Variants in CCDC85C observed in about 807,000 individuals in gnomAD.
The protein encoded by CCDC85C is coiled-coil domain containing 85C.
In CCDC85C, 18 loss-of-function variants were observed where a neutral mutation model predicts 38.3. That is an observed-to-expected ratio of 0.47 (90% CI 0.33 to 0.70). The LOEUF is 0.70. CCDC85C is among the 30% of genes least tolerant of loss of function. The probability of loss-of-function intolerance (pLI) is 0.03; values close to 1 mark genes in which losing one functional copy is unlikely to be tolerated. For missense variants in CCDC85C, 566 were observed against 621.2 expected, an observed-to-expected ratio of 0.91 and a Z score of 0.94; for synonymous variants, 264 against 293.8, an observed-to-expected ratio of 0.90 and a Z score of 1.04.
rs747937393 is a variant in CCDC85C at position 99,603,583 on chromosome 14, T to C, written c.377A>G (p.Lys126Arg). The change falls in exon 1 of 6, where the codon AAG becomes AGG. Residue 126 changes from lysine (K) to arginine (R), a missense_variant. This residue lies in a region of CCDC85C where 269 missense variants were observed against 308.2 expected (regional missense o/e 0.87). Coordinates refer to ENST00000380243, the MANE Select transcript of CCDC85C (RefSeq NM_001144995.2). The surrounding 1 kb of genome is among the most constrained non-coding windows in gnomAD (Gnocchi z 7.5). ...CTGGCGCGCCTCGAGCTCGCGCAGC[T>C]TCTGCTGCGAGCGGGCCACCTCGTG... ...VWHEVARSQQ[K>R]LRELEARQEA... is the part of the protein sequence containing the mutation. 7.0e-7 allele frequency: 1 copy of C among 1,421,694 alleles called. No homozygotes were observed. Among genetic ancestry groups the C allele is most frequent in the South Asian group, 1.4e-5 (1 of 69,108 alleles). The allele number at this position is 1,421,694 out of a possible 1,614,324, so 88.1% of individuals were successfully genotyped here.
intron 1 of CCDC85C, among the ~76,000 whole-genome samples, chr14:99,591,856 T>A (rs776493501): frequency 4.7e-5 from 7 of 150,190 alleles, no homozygotes; most frequent in Non-Finnish European, 1.0e-4. Flanking sequence ...TGCCTCAGCC[T>A]CCCGAGTAAC....
At position 99,503,082 on chromosome 14, in the gene CCDC85C, G is replaced by A. The variant is rs1223827519; in HGVS notation, c.*12164C>T. Reference sequence around the variant, plus strand: ...TTTCTAAGCGAGCACAGGGAACACCGGAAGCAGGGGGTGTTCGCCGAAACT... The same window carrying A: ...TTTCTAAGCGAGCACAGGGAACACCAGAAGCAGGGGGTGTTCGCCGAAACT... On this transcript the variant is annotated 3_prime_UTR_variant, in exon 6 of 6. Coordinates refer to ENST00000380243, the MANE Select transcript of CCDC85C (RefSeq NM_001144995.2). The A allele has an allele frequency of 6.8e-6, 9 of 1,332,372 alleles. No homozygotes were observed. The highest frequency in any genetic ancestry group is 2.9e-5 in the African/African-American group (2 of 69,414). 82.5% of individuals were successfully genotyped at this position (1,332,372 alleles called of 1,614,324 possible). A position where few individuals can be genotyped will look rare whatever the true frequency, so the allele number is the denominator to read the frequency against.
At chr14:99,601,271 T>C (rs765353370) in intron 1 of CCDC85C, among the ~76,000 whole-genome samples, 14 of 152,242 alleles carry the variant, frequency 9.2e-5, no homozygotes, top group Non-Finnish European at 1.6e-4. Flanking sequence ...CTAAGTGGGC[T>C]TGGGGGAGGA....
chr14:99,526,564 C>T (rs189648381), intron 2 of CCDC85C, among the ~76,000 whole-genome samples: 331 of 152,166 alleles, frequency 2.2e-3, no homozygotes, highest in African/African-American at 7.3e-3. Context: ...GTGACCACCC[C>T]GTCCCCAAGA....
intron 1 of CCDC85C, among the ~76,000 whole-genome samples, chr14:99,596,682 A>G (rs1406026185): frequency 6.6e-6 from 1 of 152,210 alleles, no homozygotes; most frequent in African/African-American, 2.4e-5. Context: ...TTATGATCAA[A>G]GAAGCATCAA....
intron 1 of CCDC85C, among the ~76,000 whole-genome samples, chr14:99,570,150 T>C (rs1053358224): frequency 6.6e-6 from 1 of 151,920 alleles, no homozygotes; most frequent in Non-Finnish European, 1.5e-5. Flanking sequence ...CTGTTCTGAG[T>C]GCCTCACATA....
chr14:99,509,171 A>T lies in CCDC85C; in HGVS notation c.*6075T>A, dbSNP rs1163240632. On this transcript the variant is annotated 3_prime_UTR_variant, in exon 6 of 6. Coordinates refer to ENST00000380243, the MANE Select transcript of CCDC85C (RefSeq NM_001144995.2). ...CCTTGCCTAACCCAAGTGCCTGGGG[A>T]ACCAGAAGCATCTTCGTGGCTTTGT... 6.6e-6 allele frequency: 1 copy of T among 152,202 alleles called. No individual in the cohort carries two copies. The highest frequency in any genetic ancestry group is 1.5e-5 in the Non-Finnish European group (1 of 68,042). The allele number at this position is 152,202 out of a possible 1,614,324, so 9.4% of individuals were successfully genotyped here.
At chr14:99,580,062 G>T (rs916056227) in intron 1 of CCDC85C, 5 of 455,562 alleles carry the variant, frequency 1.1e-5, no homozygotes, top group Non-Finnish European at 2.2e-5. Context: ...CCTTCCTCTT[G>T]GTCTCACATT....
rs1897083587 is a variant in CCDC85C at position 99,510,135 on chromosome 14, C to G, written c.*5111G>C. The G allele has an allele frequency of 6.3e-7, 1 of 1,584,304 alleles. No individual in the cohort carries two copies. The highest frequency in any genetic ancestry group is 8.5e-7 in the Non-Finnish European group (1 of 1,169,944). ...AACCATTGCTGGCGGAGGCCGGGCA[C>G]TGATGCGTCTCTCTCCTGCAGACCG... On this transcript the variant is annotated 3_prime_UTR_variant, in exon 6 of 6. Coordinates refer to ENST00000380243, the MANE Select transcript of CCDC85C (RefSeq NM_001144995.2).
At chr14:99,561,940 C>G (rs190953151) in intron 1 of CCDC85C, among the ~76,000 whole-genome samples, 1 of 152,204 alleles carries the variant, frequency 6.6e-6, no homozygotes, top group Non-Finnish European at 1.5e-5. Context: ...CATGCAGTGA[C>G]GTGCTTATCC....
rs1381221787 is a variant in CCDC85C at position 99,569,044 on chromosome 14, C to T, written c.794-32956G>A. ...GAGGGTTCCTGGGGACCCCAGGAGG[C>T]GTCACTGCAGACAGAGGCAGCTCAA... On this transcript the variant is annotated intron_variant, in intron 1 of 5. Transcript: ENST00000380243. The surrounding 1 kb of genome is among the most constrained non-coding windows in gnomAD (Gnocchi z 4.3). 2.0e-5 allele frequency among the ~76,000 whole-genome samples: 3 copies of T among 152,166 alleles called. No homozygotes were observed. The highest frequency in any genetic ancestry group is 4.4e-5 in the Non-Finnish European group (3 of 68,020).
At chr14:99,573,258 A>G (rs7144192) in intron 1 of CCDC85C, among the ~76,000 whole-genome samples, 11,135 of 152,224 alleles carry the variant, frequency 0.073, 544 homozygotes, top group South Asian at 0.17. Context: ...GGATTGAGCC[A>G]TGGGTGGCCA....
rs535678705 is a variant in CCDC85C at position 99,589,505 on chromosome 14, C to T, written c.793+13662G>A. Among the ~76,000 whole-genome samples the T allele has an allele frequency of 2.4e-3, 373 of 152,346 alleles. 1 individual carries two copies. The highest frequency in any genetic ancestry group is 4.4e-3 in the Non-Finnish European group (300 of 68,036). On this transcript the variant is annotated intron_variant, in intron 1 of 5. Transcript: ENST00000380243. The stretch of plus-strand genomic sequence containing the variant: ...ATTTTTATTTTTTAAAGGCTTCAGG[C>T]AGGAGCCTCACCAACTCTCCTACCT...
At chr14:99,532,012 G>A (rs1897503707) in intron 2 of CCDC85C, among the ~76,000 whole-genome samples, 2 of 152,202 alleles carry the variant, frequency 1.3e-5, no homozygotes, top group African/African-American at 4.8e-5. Context: ...ACTGGACAGG[G>A]ATCAGCCACA....
intron 1 of CCDC85C, among the ~76,000 whole-genome samples, chr14:99,593,934 G>A (rs1453972709): frequency 6.9e-6 from 1 of 145,336 alleles, no homozygotes; most frequent in South Asian, 2.2e-4. Flanking sequence ...AAAGCCAAAA[G>A]GTATATATTT....
chr14:99,503,635 A>G lies in CCDC85C; in HGVS notation c.*11611T>C. On this transcript the variant is annotated 3_prime_UTR_variant, in exon 6 of 6. Coordinates refer to ENST00000380243, the MANE Select transcript of CCDC85C (RefSeq NM_001144995.2). ...GGTTGTTTCTCCCAAAGAAGAGAAC[A>G]AAGCAGCAGGTAATTTCCTGTTCTG... 1.3e-6 allele frequency: 2 copies of G among 1,560,408 alleles called. No homozygotes were observed. The highest frequency in any genetic ancestry group is 1.2e-5 in the South Asian group (1 of 84,530).
chr14:99,589,762 C>T (rs375092765), intron 1 of CCDC85C, among the ~76,000 whole-genome samples: 1 of 152,198 alleles, frequency 6.6e-6, no homozygotes, highest in Non-Finnish European at 1.5e-5. Flanking sequence ...GGGCCATGGG[C>T]GGCCCTGAGC....
At chr14:99,586,929 G>T (rs149929893) in intron 1 of CCDC85C, among the ~76,000 whole-genome samples, 2 of 152,194 alleles carry the variant, frequency 1.3e-5, no homozygotes, top group East Asian at 3.9e-4. Flanking sequence ...AGCCACGGGC[G>T]GCACTCCCGC....
intron 3 of CCDC85C, among the ~76,000 whole-genome samples, chr14:99,517,509 T>G (rs1319698569): frequency 6.6e-6 from 1 of 152,100 alleles, no homozygotes; most frequent in Non-Finnish European, 1.5e-5. Context: ...GCAAGGAAAG[T>G]AAGTTCAGCC....
Sources: gnomAD v4.1 joint callset for allele counts (sites outside exome capture counted in the v4.1 genomes callset) on GRCh38, gnomAD v4.1.1 for gene constraint, gnomAD v4.1.1 regional missense constraint, Gnocchi (gnomAD v3.1) non-coding constraint, MANE v1.5 for transcripts, NCBI Gene and HGNC (gene_info 2026-07-23, HGNC 2026-07-21) for gene names.